MAGI2: variants seen among roughly 807,000 people sequenced by gnomAD.
The protein encoded by MAGI2 is membrane-associated guanylate kinase, WW and PDZ domain-containing protein 2.
MAGI2 carries 35 observed loss-of-function variants against 133.3 expected under a neutral mutation model. The ratio of observed to expected loss-of-function variants is 0.26; its 90% CI spans 0.20 to 0.35. The LOEUF (loss-of-function observed/expected upper bound fraction) is 0.35. Among genes scored for constraint, MAGI2 ranks in the 10% least tolerant of loss-of-function variants. The probability of loss-of-function intolerance (pLI) is 1.00; values close to 1 mark genes in which losing one functional copy is unlikely to be tolerated. For synonymous variants in MAGI2, 729 were observed against 710.6 expected, an observed-to-expected ratio of 1.03 and a Z score of -0.41; for missense variants, 1,636 against 1,863.4, an observed-to-expected ratio of 0.88 and a Z score of 2.25.
At chr7:78,332,204 A>G (rs1056554692) in intron 9 of MAGI2, among the ~76,000 whole-genome samples, 2 of 152,250 alleles carry the variant, frequency 1.3e-5, no homozygotes, top group Non-Finnish European at 2.9e-5. Flanking sequence ...CAAAAAGAAA[A>G]GACAGAAATG....
At chr7:78,378,069 G>A (rs1369618054) in intron 6 of MAGI2, among the ~76,000 whole-genome samples, 1 of 151,888 alleles carries the variant, frequency 6.6e-6, no homozygotes, top group Non-Finnish European at 1.5e-5. Flanking sequence ...CAGACAGATA[G>A]TAAAAGATAG....
At chr7:79,388,056 A>C (rs1844319393) in intron 1 of MAGI2, among the ~76,000 whole-genome samples, 1 of 151,984 alleles carries the variant, frequency 6.6e-6, no homozygotes, top group African/African-American at 2.4e-5. Context: ...TATACATAGA[A>C]AACCTGCAAT....
intron 1 of MAGI2, among the ~76,000 whole-genome samples, chr7:79,184,670 T>G (rs1339184854): frequency 6.6e-6 from 1 of 151,698 alleles, no homozygotes; most frequent in Non-Finnish European, 1.5e-5. Context: ...ATTAGAAAAG[T>G]TCCTCGTAAA....
At chr7:78,453,867 G>T (rs1584206278) in intron 6 of MAGI2, among the ~76,000 whole-genome samples, 1 of 151,954 alleles carries the variant, frequency 6.6e-6, no homozygotes, top group Admixed American at 6.6e-5. Flanking sequence ...GATTTCCTTT[G>T]TTCTGTTCCT....
At chr7:78,955,333 A>C (rs555835749) in intron 2 of MAGI2, among the ~76,000 whole-genome samples, 1 of 152,264 alleles carries the variant, frequency 6.6e-6, no homozygotes, top group African/African-American at 2.4e-5. Flanking sequence ...GTATATATAT[A>C]AATAAAATGT....
intron 1 of MAGI2, among the ~76,000 whole-genome samples, chr7:79,069,993 T>G (rs893546095): frequency 5.9e-5 from 9 of 152,176 alleles, no homozygotes; most frequent in Non-Finnish European, 1.3e-4. Context: ...CTGATGGGCT[T>G]CTATTTGTGG....
intron 3 of MAGI2, among the ~76,000 whole-genome samples, chr7:78,548,202 C>T (rs556578857): frequency 8.5e-5 from 13 of 152,330 alleles, no homozygotes; most frequent in African/African-American, 2.9e-4. Flanking sequence ...ACATTTCTAA[C>T]GTTGGAAAGT....
chr7:78,666,114 C>T (rs76146000), intron 2 of MAGI2, among the ~76,000 whole-genome samples: 8,401 of 152,130 alleles, frequency 0.055, 286 homozygotes, highest in African/African-American at 0.088. Context: ...TGCTATCCAA[C>T]GTAAGTCTCA....
chr7:78,988,601 T>C (rs931855906), intron 2 of MAGI2, among the ~76,000 whole-genome samples: 3 of 152,126 alleles, frequency 2.0e-5, no homozygotes, highest in South Asian at 2.1e-4. Flanking sequence ...TAATTGATCT[T>C]CTGTAAGCTA....
chr7:78,857,829 T>C (rs926830219), intron 2 of MAGI2, among the ~76,000 whole-genome samples: 5 of 152,228 alleles, frequency 3.3e-5, no homozygotes, highest in Admixed American at 3.3e-4. Context: ...GAAGGAATGG[T>C]ACCAGATCCT....
chr7:78,288,491 G>A (rs1165383761), intron 9 of MAGI2, among the ~76,000 whole-genome samples: 1 of 152,140 alleles, frequency 6.6e-6, no homozygotes, highest in Non-Finnish European at 1.5e-5. Flanking sequence ...AATACGGTAA[G>A]GGCAGTTCAA....
chr7:79,282,920 G>A (rs942132011), intron 1 of MAGI2, among the ~76,000 whole-genome samples: 2 of 151,724 alleles, frequency 1.3e-5, no homozygotes, highest in Non-Finnish European at 2.9e-5. Flanking sequence ...CTTTACAAAT[G>A]TAGATCTAAA....
intron 1 of MAGI2, among the ~76,000 whole-genome samples, chr7:79,182,778 A>G (rs1826733505): frequency 6.6e-6 from 1 of 152,034 alleles, no homozygotes; most frequent in Non-Finnish European, 1.5e-5. Flanking sequence ...TATAAAATCA[A>G]TATCAATTTA....
chr7:78,229,762 A>G (rs1183235351), intron 10 of MAGI2, among the ~76,000 whole-genome samples: 1 of 152,226 alleles, frequency 6.6e-6, no homozygotes, highest in Admixed American at 6.5e-5. Context: ...CAAGACCTCC[A>G]ACCCAAGTGG....
intron 9 of MAGI2, among the ~76,000 whole-genome samples, chr7:78,315,876 G>T (rs1432612430): frequency 1.3e-5 from 2 of 151,778 alleles, no homozygotes; most frequent in South Asian, 4.2e-4. Flanking sequence ...TTTGTCTCTC[G>T]GTCATTTTCT....
At chr7:79,159,185 G>A (rs1824104269) in intron 1 of MAGI2, among the ~76,000 whole-genome samples, 2 of 151,996 alleles carry the variant, frequency 1.3e-5, no homozygotes, top group African/African-American at 4.8e-5. Flanking sequence ...AAAGAGAGAG[G>A]GATATTTAGG....
chr7:78,375,337 G>C (rs540044348), intron 6 of MAGI2, among the ~76,000 whole-genome samples: 1 of 152,234 alleles, frequency 6.6e-6, no homozygotes, highest in African/African-American at 2.4e-5. Context: ...TCTAGAGTCA[G>C]GCATTGTTCC....
At chr7:79,021,551 G>T (rs1809332617) in intron 1 of MAGI2, among the ~76,000 whole-genome samples, 2 of 152,182 alleles carry the variant, frequency 1.3e-5, no homozygotes, top group South Asian at 4.1e-4. Context: ...TTTCAAGTTT[G>T]CATGGGGCCG....
chr7:78,637,112 T>C (rs1809747419), intron 2 of MAGI2, among the ~76,000 whole-genome samples: 2 of 152,172 alleles, frequency 1.3e-5, no homozygotes, highest in African/African-American at 2.4e-5. Flanking sequence ...CCATAAAGCA[T>C]GCAGGTCATG....
Sources: gnomAD v4.1 joint callset for allele counts (sites outside exome capture counted in the v4.1 genomes callset) on GRCh38, gnomAD v4.1.1 for gene constraint, MANE v1.5 for transcripts, NCBI Gene and HGNC (gene_info 2026-07-23, HGNC 2026-07-21) for gene names.